The following ABTB2 variants were observed in gnomAD, a reference collection of about 807,000 sequenced individuals.
ABTB2 encodes ankyrin repeat and BTB/POZ domain-containing protein 2.
A neutral mutation model predicts 104.1 loss-of-function variants in ABTB2; 56 were observed. That is an observed-to-expected ratio of 0.54 (90% CI 0.43 to 0.67). ABTB2 has a LOEUF of 0.67. ABTB2 is among the 30% of genes least tolerant of loss of function. The pLI is 0.00. For synonymous variants in ABTB2, 606 were observed against 608.2 expected, an observed-to-expected ratio of 1.00 and a Z score of 0.05; for missense variants, 1,279 against 1,407.7, an observed-to-expected ratio of 0.91 and a Z score of 1.46.
intron 1 of ABTB2, among the ~76,000 whole-genome samples, chr11:34,236,413 A>G (rs984161852): frequency 1.3e-5 from 2 of 152,188 alleles, no homozygotes; most frequent in Admixed American, 6.5e-5. Flanking sequence ...CTTTTAAGAC[A>G]AAAAATTCTT....
chr11:34,237,648 A>C (rs1195233502), intron 1 of ABTB2, among the ~76,000 whole-genome samples: 2 of 152,156 alleles, frequency 1.3e-5, no homozygotes, highest in Non-Finnish European at 2.9e-5. Flanking sequence ...TAATCCCAGC[A>C]CTTTGGGAGG....
At chr11:34,280,132 T>A (rs768568880) in intron 1 of ABTB2, among the ~76,000 whole-genome samples, 6 of 152,190 alleles carry the variant, frequency 3.9e-5, no homozygotes, top group Non-Finnish European at 8.8e-5. Flanking sequence ...ATAGGTGCCA[T>A]AATCCCTATT....
At chr11:34,164,977 G>A (rs1852778342) in intron 8 of ABTB2, among the ~76,000 whole-genome samples, 156 bp from the exon 9 acceptor site, 1 of 152,214 alleles carries the variant, frequency 6.6e-6, no homozygotes, top group Non-Finnish European at 1.5e-5. Context: ...CGAAGTGAAG[G>A]GAGAGGAAGA....
chr11:34,181,644 C>T (rs1565134213), intron 3 of ABTB2, among the ~76,000 whole-genome samples: 1 of 152,212 alleles, frequency 6.6e-6, no homozygotes, highest in South Asian at 2.1e-4. Flanking sequence ...AAGCTTAGCT[C>T]TGGGAAGACA....
intron 16 of ABTB2, among the ~76,000 whole-genome samples, chr11:34,153,136 G>C (rs945233710): frequency 6.6e-6 from 1 of 152,136 alleles, no homozygotes; most frequent in Admixed American, 6.5e-5. Flanking sequence ...GGGAGGCCTG[G>C]GGACACCAGT....
At chr11:34,272,926 T>C (rs1198395568) in intron 1 of ABTB2, among the ~76,000 whole-genome samples, 1 of 152,052 alleles carries the variant, frequency 6.6e-6, no homozygotes, top group Admixed American at 6.6e-5. Flanking sequence ...CTGTGTGACC[T>C]TAAGCAAATT....
chr11:34,334,466 T>C (rs576248899), intron 1 of ABTB2, among the ~76,000 whole-genome samples: 1 of 152,324 alleles, frequency 6.6e-6, no homozygotes, highest in South Asian at 2.1e-4. Context: ...AATAAATAGC[T>C]ACCACCTATT....
At chr11:34,312,994 GA>G (rs1854876976) in intron 1 of ABTB2, among the ~76,000 whole-genome samples, 1 of 151,108 alleles carries the variant, frequency 6.6e-6, no homozygotes, top group South Asian at 2.1e-4. Context: ...GTTCTTAGAA[GA>G]AAAAAAGAAA....
At chr11:34,261,389 A>G (rs942042673) in intron 1 of ABTB2, among the ~76,000 whole-genome samples, 1 of 152,200 alleles carries the variant, frequency 6.6e-6, no homozygotes, top group African/African-American at 2.4e-5. Flanking sequence ...GGATTCTACA[A>G]GGTAGTCTGT....
chr11:34,306,236 A>ATTTTTTTTTTTTTTT (rs34872949), intron 1 of ABTB2, among the ~76,000 whole-genome samples: 1 of 71,960 alleles, frequency 1.4e-5, no homozygotes, highest in Admixed American at 2.1e-4. Context: ...GGAAAGTTTG[A>ATTTTTTTTTTTTTTT]TTTTTTTTTT....
At chr11:34,324,449 T>C (rs972499012) in intron 1 of ABTB2, among the ~76,000 whole-genome samples, 8 of 152,158 alleles carry the variant, frequency 5.3e-5, no homozygotes, top group African/African-American at 1.9e-4. Context: ...TCAGGCTTGG[T>C]CCATGAGGTG....
intron 1 of ABTB2, among the ~76,000 whole-genome samples, chr11:34,298,981 A>C (rs1854663380): frequency 1.3e-5 from 2 of 152,230 alleles, no homozygotes; most frequent in Non-Finnish European, 2.9e-5. Context: ...TTGAAGACAC[A>C]GCTTAAGGTT....
chr11:34,162,672 G>A lies in ABTB2; in HGVS notation c.2122C>T (p.Arg708Trp), dbSNP rs112727035. 16 of 1,613,144 alleles carry A rather than the reference G, an allele frequency of 9.9e-6. No individual in the cohort carries two copies. Among genetic ancestry groups the A allele is most frequent in the South Asian group, 2.2e-5 (2 of 91,080 alleles). Residue 708 changes from arginine to tryptophan, a missense_variant, in exon 10 of 17, where the codon CGG (arginine) becomes TGG (tryptophan). Transcript: ENST00000435224. ...SQGSGSEGPV[R>W]LSRTRTKALQ... ...GCCTTGGTGCGGGTCCGGCTCAGCC[G>A]CACGGGCCCCTCGCTGCCACTGCCC...
chr11:34,339,490 T>C (rs1855236915), intron 1 of ABTB2, among the ~76,000 whole-genome samples: 1 of 152,116 alleles, frequency 6.6e-6, no homozygotes, highest in Non-Finnish European at 1.5e-5. Context: ...GATCTGTCAG[T>C]GCCAGAGAAG....
chr11:34,186,265 G>T (rs1447564018), intron 3 of ABTB2, among the ~76,000 whole-genome samples: 2 of 152,232 alleles, frequency 1.3e-5, no homozygotes, highest in Non-Finnish European at 1.5e-5. Flanking sequence ...CAGTCAAAGC[G>T]GGGAGGGGCA....
rs1177981516 is a variant in ABTB2, at chr11:34,357,723, T to C, written c.-140A>G. ...TGCGTCGCGGGGCTCGGCGGCCGCA[T>C]TGCCTGCCCGGAGGCCGCGGGAAGG... On this transcript the variant is annotated 5_prime_UTR_variant, in exon 1 of 17. It removes an upstream start codon present in the reference 5' UTR. Transcript: ENST00000435224. The C allele has an allele frequency of 1.6e-5, 16 of 998,478 alleles. No homozygotes were observed. The highest frequency in any genetic ancestry group is 3.4e-5 in the African/African-American group (2 of 59,298). 61.9% of individuals were successfully genotyped at this position (998,478 alleles called of 1,614,324 possible).
chr11:34,256,094 C>A (rs775108759), intron 1 of ABTB2, among the ~76,000 whole-genome samples: 1 of 150,652 alleles, frequency 6.6e-6, no homozygotes, highest in Admixed American at 6.6e-5. Context: ...TCTGTTCCTG[C>A]GTAAAATCCA....
chr11:34,262,895 C>A (rs918505208), intron 1 of ABTB2, among the ~76,000 whole-genome samples: 3 of 152,084 alleles, frequency 2.0e-5, no homozygotes, highest in African/African-American at 7.2e-5. Context: ...CTAAACACTG[C>A]CCTGGAAATT....
chr11:34,274,258 A>G (rs1193062952), intron 1 of ABTB2, among the ~76,000 whole-genome samples: 1 of 150,684 alleles, frequency 6.6e-6, no homozygotes, highest in East Asian at 2.0e-4. Context: ...CTCGAGTCTT[A>G]GACTAATTCA....
Sources: gnomAD v4.1 joint callset for allele counts (sites outside exome capture counted in the v4.1 genomes callset) on GRCh38, gnomAD v4.1.1 for gene constraint, MANE v1.5 for transcripts, NCBI Gene and HGNC (gene_info 2026-07-23, HGNC 2026-07-21) for gene names.